The following RIMKLB variants were observed in gnomAD, a reference collection of about 807,000 sequenced individuals.
RIMKLB encodes the protein beta-citrylglutamate synthase B.
RIMKLB carries 7 observed loss-of-function variants against 32.0 expected under a neutral mutation model. That is an observed-to-expected ratio of 0.22 (90% CI 0.12 to 0.41). The LOEUF is 0.41. Ranked by LOEUF, RIMKLB falls within the 10% of genes least tolerant of loss-of-function variation. The pLI is 1.00. For missense variants in RIMKLB, 289 were observed against 498.7 expected (o/e 0.58, Z 4.00); for synonymous variants, 172 against 185.1 (o/e 0.93, Z 0.57).
At chr12:8,681,081 C>T (rs553615431), upstream of RIMKLB, among the ~76,000 whole-genome samples, 1 of 151,866 alleles carries the variant, frequency 6.6e-6, no homozygotes, top group Non-Finnish European at 1.5e-5. Flanking sequence ...CCACCTCAGC[C>T]TCCCAAGTAG....
At chr12:8,710,307 CTTT>C (rs762963381) in intron 1 of RIMKLB, among the ~76,000 whole-genome samples, 53 of 125,574 alleles carry the variant, frequency 4.2e-4, no homozygotes, top group African/African-American at 1.2e-3. Flanking sequence ...TTGTTTCCTT[CTTT>C]TTTTTTTTTT....
At chr12:8,701,570 T>G (rs1359625497) in intron 1 of RIMKLB, among the ~76,000 whole-genome samples, 1 of 152,126 alleles carries the variant, frequency 6.6e-6, no homozygotes, top group Non-Finnish European at 1.5e-5. Flanking sequence ...TTGTTTTTTT[T>G]CTAACTTTGT....
intron 2 of RIMKLB, among the ~76,000 whole-genome samples, chr12:8,744,198 T>A (rs776398495): frequency 6.6e-6 from 1 of 152,126 alleles, no homozygotes; most frequent in African/African-American, 2.4e-5. Flanking sequence ...GAGATGCCAC[T>A]TTGCCTTTTT....
intron 5 of RIMKLB, among the ~76,000 whole-genome samples, chr12:8,757,584 T>C (rs147329421): frequency 1.8e-3 from 278 of 152,338 alleles, no homozygotes; most frequent in African/African-American, 6.4e-3. Flanking sequence ...TATAGTTATC[T>C]GTTTACTCTC....
chr12:8,718,117 A>G (rs1158077545), intron 2 of RIMKLB, among the ~76,000 whole-genome samples: 2 of 152,072 alleles, frequency 1.3e-5, no homozygotes, highest in African/African-American at 2.4e-5. Flanking sequence ...TAGTCAAACT[A>G]CTGTGCCAGC....
intron 5 of RIMKLB, among the ~76,000 whole-genome samples, chr12:8,766,953 T>C (rs186580976): frequency 2.5e-3 from 376 of 152,366 alleles, no homozygotes; most frequent in Non-Finnish European, 4.5e-3. Flanking sequence ...TTTTCTACTT[T>C]TAGCAATGCA....
chr12:8,760,293 A>G (rs1489593492), intron 5 of RIMKLB, among the ~76,000 whole-genome samples: 2 of 152,198 alleles, frequency 1.3e-5, no homozygotes, highest in Admixed American at 6.5e-5. Context: ...TTATGGCTAC[A>G]TAGTATTCCA....
chr12:8,746,611 A>AG (rs1591859927), intron 2 of RIMKLB, among the ~76,000 whole-genome samples: 1 of 151,874 alleles, frequency 6.6e-6, no homozygotes, highest in East Asian at 1.9e-4. Context: ...AAAAAAAAAA[A>AG]AAAAAGAAAA....
intron 3 of RIMKLB, among the ~76,000 whole-genome samples, 158 bp downstream of exon 3, chr12:8,750,250 A>G (rs1031604793): frequency 4.6e-5 from 7 of 152,210 alleles, no homozygotes; most frequent in African/African-American, 1.7e-4. Context: ...TTTGTTTCAT[A>G]TTATGGGGGA....
chr12:8,700,935 G>C (rs983666352), intron 1 of RIMKLB, among the ~76,000 whole-genome samples: 3 of 152,060 alleles, frequency 2.0e-5, no homozygotes, highest in Non-Finnish European at 4.4e-5. Flanking sequence ...GCATGGTGAC[G>C]CACACCTGTA....
chr12:8,706,444 C>CTTTT (rs1199005342), intron 1 of RIMKLB, among the ~76,000 whole-genome samples: 5 of 95,208 alleles, frequency 5.3e-5, no homozygotes, highest in African/African-American at 2.0e-4. Flanking sequence ...CACGCCTGGA[C>CTTTT]TTTTTTTTTT....
At chr12:8,699,562 C>A (rs1215438750) in intron 1 of RIMKLB, among the ~76,000 whole-genome samples, 1 of 152,036 alleles carries the variant, frequency 6.6e-6, no homozygotes, top group Non-Finnish European at 1.5e-5. Context: ...AGTTAAATTT[C>A]TTTTCCAATG....
chr12:8,744,348 G>A (rs1189053346), intron 2 of RIMKLB, among the ~76,000 whole-genome samples: 2 of 151,818 alleles, frequency 1.3e-5, no homozygotes, highest in African/African-American at 2.4e-5. Flanking sequence ...ACTATACTTT[G>A]GGTAGAGCAC....
upstream of RIMKLB, among the ~76,000 whole-genome samples, chr12:8,693,121 G>C (rs1334631413): frequency 6.6e-6 from 1 of 152,168 alleles, no homozygotes; most frequent in Non-Finnish European, 1.5e-5. Flanking sequence ...CAGATGATGT[G>C]TATAGGGCAC....
upstream of RIMKLB, chr12:8,697,159 G>T (rs1300349079): frequency 6.6e-6 from 1 of 152,166 alleles, no homozygotes; most frequent in Non-Finnish European, 1.5e-5. Flanking sequence ...AGGAAGCGTA[G>T]CAACTAACTT....
chr12:8,751,860 A>G (rs927473363), intron 3 of RIMKLB, 97 bp from the exon 4 acceptor site: 15 of 765,632 alleles, frequency 2.0e-5, no homozygotes, highest in African/African-American at 7.0e-5. Flanking sequence ...CTTACCTTCA[A>G]CTTCCTTGTG....
intron 1 of RIMKLB, chr12:8,700,055 T>C (rs1254149465): frequency 6.6e-6 from 1 of 152,250 alleles, no homozygotes. Context: ...AATATACTTT[T>C]GTCAGTAGTA....
chr12:8,731,722 T>C (rs1250983649), intron 2 of RIMKLB, among the ~76,000 whole-genome samples: 1 of 152,186 alleles, frequency 6.6e-6, no homozygotes, highest in Non-Finnish European at 1.5e-5. Flanking sequence ...TGTAGAATAG[T>C]CTCCTGTCAT....
At chr12:8,778,520 C>T (rs1264946362), downstream of RIMKLB, among the ~76,000 whole-genome samples, 1 of 152,148 alleles carries the variant, frequency 6.6e-6, no homozygotes, top group African/African-American at 2.4e-5. Context: ...GATAGGAGGA[C>T]ATTTCTGAAG....
Sources: allele counts gnomAD v4.1 joint callset (sites outside exome capture counted in the v4.1 genomes callset), GRCh38; gene constraint gnomAD v4.1.1; transcripts MANE v1.5; gene names NCBI Gene and HGNC (gene_info 2026-07-23, HGNC 2026-07-21).